Variants in CPSF2 observed in about 807,000 individuals in gnomAD.
CPSF2 encodes the protein cleavage and polyadenylation specificity factor subunit 2.
CPSF2 carries 51 observed loss-of-function variants against 84.2 expected under a neutral mutation model. The ratio of observed to expected loss-of-function variants is 0.61; its 90% CI spans 0.48 to 0.77. CPSF2 has a LOEUF of 0.77. Among genes scored for constraint, CPSF2 ranks in the 30% least tolerant of loss-of-function variants. CPSF2 has a pLI of 0.00. For synonymous variants in CPSF2, 286 were observed against 311.9 expected (o/e 0.92, Z 0.87); for missense variants, 641 against 929.4 (o/e 0.69, Z 4.03).
chr14:92,155,516 C>T (rs1314082128), intron 11 of CPSF2, among the ~76,000 whole-genome samples, 193 bp downstream of exon 11: 1 of 152,088 alleles, frequency 6.6e-6, no homozygotes, highest in Admixed American at 6.5e-5. Context: ...TGAGAAACAT[C>T]TAGAGAATAT....
At position 92,159,211 on chromosome 14, in the gene CPSF2, G is replaced by A. The variant is rs1051749868; in HGVS notation, c.2050G>A (p.Gly684Arg). 7.4e-6 allele frequency: 12 copies of A among 1,613,714 alleles called. No homozygotes were observed. Among genetic ancestry groups the A allele is most frequent in the East Asian group, 2.2e-5 (1 of 44,856 alleles). The change falls in exon 14 of 16, where the codon GGA becomes AGA. Residue 684 changes from glycine (G) to arginine (R), a missense_variant. Transcript: ENST00000298875. Reference sequence around the variant, plus strand: ...ACAAAAGGCCATGAAAAGTCTGTTCGGAGATGATGAAAAAGAAACAGGTGA... The same window carrying A: ...ACAAAAGGCCATGAAAAGTCTGTTCAGAGATGATGAAAAAGAAACAGGTGA... ...AQQKAMKSLF[G>R]DDEKETGEES...
intron 12 of CPSF2, among the ~76,000 whole-genome samples, chr14:92,156,951 G>A (rs917950357): frequency 2.0e-5 from 3 of 152,088 alleles, no homozygotes; most frequent in Non-Finnish European, 1.5e-5. Context: ...GGAATAATGT[G>A]ACTCACAGTT....
rs757295450 is a variant in CPSF2 at position 92,130,951 on chromosome 14, A to C, written c.-34A>C. ...ATTATGTTTTCATTTCATTTGAAAG[A>C]CTCTTCTAGCTTGCTGTTTCTGGAC... On this transcript the variant is annotated splice_region_variant and 5_prime_UTR_variant, in exon 3 of 16. Transcript: ENST00000298875. 1.3e-6 allele frequency: 2 copies of C among 1,572,636 alleles called. No individual in the cohort carries two copies. The highest frequency in any genetic ancestry group is 2.7e-5 in the African/African-American group (2 of 72,738).
In CPSF2 at chr14:92,155,128, A is replaced by T. The variant is rs767473094; in HGVS notation, c.1247A>T (p.Asp416Val). Residue 416 changes from aspartate (D) to valine (V), a missense_variant, in exon 11 of 16, where the codon GAT becomes GTT. Transcript: ENST00000298875. ...CTATTCTAAAATCCTCCTAGGGCAG[A>T]TATAGATTCCAGTGATGAGAGTGAT... ...AKKLEQSKEADIDSSDESDIE... is the reference protein window; with the variant it reads ...AKKLEQSKEAVIDSSDESDIE... 3 of 1,610,722 alleles carry T rather than the reference A, an allele frequency of 1.9e-6. No individual in the cohort carries two copies. The South Asian group carries it at 3.3e-5, about 18-fold the overall frequency.
rs1461985355 is a variant in CPSF2, at chr14:92,142,877, C to T, written c.850-127C>T. ...TGGAAGCAGAAAATAAGCTGCTTGT[C>T]AAAACAGTACAAATTTAAGCAACCA... On this transcript the variant is annotated intron_variant, in intron 8 of 15. Transcript: ENST00000298875. 6.1e-6 allele frequency: 5 copies of T among 813,086 alleles called. No homozygotes were observed. The African/African-American group carries it at 8.7e-5, about 14-fold the overall frequency. The allele number at this position is 813,086 out of a possible 1,614,324, so 50.4% of individuals were successfully genotyped here. A position where few individuals can be genotyped will look rare whatever the true frequency, so the allele number is the denominator to read the frequency against.
At chr14:92,142,019 A>G (rs965455788) in intron 7 of CPSF2, 145 bp from the exon 8 acceptor site, 1 of 578,056 alleles carries the variant, frequency 1.7e-6, no homozygotes, top group Non-Finnish European at 3.0e-6. Context: ...GACCTGAACA[A>G]AATTCCTTCA....
intron 9 of CPSF2, among the ~76,000 whole-genome samples, chr14:92,149,853 C>T (rs900837790): frequency 5.3e-5 from 8 of 151,848 alleles, no homozygotes; most frequent in Non-Finnish European, 1.2e-4. Context: ...GACATTGTTT[C>T]ACCATGTTAA....
At position 92,157,552 on chromosome 14, in the gene CPSF2, C is replaced by G. The variant is rs1567026049; in HGVS notation, c.1596-107C>G. Reference sequence around the variant, plus strand: ...AAAATAAATCATACAGATACTATAACATGTGTATTTCTCAAATCCTAGTGT... The same window carrying G: ...AAAATAAATCATACAGATACTATAAGATGTGTATTTCTCAAATCCTAGTGT... On this transcript the variant is annotated intron_variant, in intron 12 of 15. Coordinates refer to ENST00000298875, the MANE Select transcript of CPSF2 (RefSeq NM_017437.3). This position sits in a 1 kb window ranked among gnomAD's most constrained non-coding sequence, Gnocchi z 4.0. The G allele has an allele frequency of 2.9e-6, 2 of 685,750 alleles. No individual in the cohort carries two copies. Among genetic ancestry groups the G allele is most frequent in the Non-Finnish European group, 5.0e-6 (2 of 400,024 alleles). 42.5% of individuals were successfully genotyped at this position (685,750 alleles called of 1,614,324 possible). A position where few individuals can be genotyped will look rare whatever the true frequency, so the allele number is the denominator to read the frequency against.
At chr14:92,141,723 A>G (rs1316962254) in intron 7 of CPSF2, among the ~76,000 whole-genome samples, 1 of 152,104 alleles carries the variant, frequency 6.6e-6, no homozygotes, top group Non-Finnish European at 1.5e-5. Context: ...GGCTGTATAT[A>G]TAATTATGTG....
chr14:92,122,826 C>G (rs558756357), intron 1 of CPSF2, among the ~76,000 whole-genome samples: 3 of 151,876 alleles, frequency 2.0e-5, no homozygotes, highest in African/African-American at 7.2e-5. Flanking sequence ...AATTTTACAA[C>G]CCCTTTAACC....
At chr14:92,131,835 T>C (rs1408239609) in intron 3 of CPSF2, among the ~76,000 whole-genome samples, 1 of 151,586 alleles carries the variant, frequency 6.6e-6, no homozygotes, top group Non-Finnish European at 1.5e-5. Flanking sequence ...AAGACTCTGT[T>C]TCAAAAAAAA....
rs950599676 is a variant in CPSF2, at chr14:92,122,016, C to T, written c.-206C>T. Reference sequence around the variant, plus strand: ...GCGGCTGCCACTGTGGGGCTTCTGCCGGCCGGTAGTCCCTGGCGCTGCTGA... The same window carrying T: ...GCGGCTGCCACTGTGGGGCTTCTGCTGGCCGGTAGTCCCTGGCGCTGCTGA... On this transcript the variant is annotated 5_prime_UTR_variant, in exon 1 of 16. Coordinates refer to ENST00000298875, the MANE Select transcript of CPSF2 (RefSeq NM_017437.3). 1.0e-4 allele frequency: 64 copies of T among 619,100 alleles called. No homozygotes were observed. Among genetic ancestry groups the T allele is most frequent in the African/African-American group, 9.6e-4 (52 of 54,280 alleles). 38.4% of individuals were successfully genotyped at this position (619,100 alleles called of 1,614,324 possible).
intron 6 of CPSF2, among the ~76,000 whole-genome samples, chr14:92,136,607 G>A (rs1430037744): frequency 1.3e-5 from 2 of 152,178 alleles, no homozygotes; most frequent in Non-Finnish European, 2.9e-5. Flanking sequence ...CAATAAATAT[G>A]AAGGGCTGTA....
intron 1 of CPSF2, among the ~76,000 whole-genome samples, chr14:92,124,704 T>C (rs1441799323): frequency 5.3e-5 from 8 of 152,184 alleles, no homozygotes; most frequent in Admixed American, 5.2e-4. Context: ...CGTTAGTCTA[T>C]TTGAAATGTG....
chr14:92,133,887 G>T, intron 3 of CPSF2, 124 bp from the exon 4 acceptor site: 1 of 870,232 alleles, frequency 1.1e-6, no homozygotes, highest in Non-Finnish European at 1.8e-6. Context: ...CATAATTTTA[G>T]CTCTTAGTTT....
intron 7 of CPSF2, among the ~76,000 whole-genome samples, chr14:92,139,827 C>G (rs546671202): frequency 2.0e-5 from 3 of 152,082 alleles, no homozygotes; most frequent in South Asian, 4.1e-4. Flanking sequence ...GCGTAAACCA[C>G]TGCACCTGGC....
In CPSF2 at chr14:92,154,423, G is replaced by T; in HGVS notation, c.1206G>T (p.Lys402Asn). ...LEEYLEKEKL[K>N]KEAAKKLEQS... The stretch of plus-strand genomic sequence containing the variant: ...AATACTTGGAAAAAGAGAAACTAAA[G>T]AAAGAAGCTGCCAAAAAGCTTGAGC... Residue 402 changes from lysine to asparagine, a missense_variant, in exon 10 of 16, where the codon AAG becomes AAT. Lys to Asn is a moderately conservative substitution (Grantham distance 94, BLOSUM62 0). Around this residue, in one of 2 missense-constraint regions of CPSF2, gnomAD observed 430 missense variants for 553.6 expected, o/e 0.78. Transcript: ENST00000298875. 6.2e-7 allele frequency: 1 copy of T among 1,610,012 alleles called. No individual in the cohort carries two copies. The highest frequency in any genetic ancestry group is 1.1e-5 in the South Asian group (1 of 90,104).
In CPSF2 at chr14:92,126,113, AT is replaced by A. The variant is rs1426229176; in HGVS notation, c.-93-3del. On this transcript the variant is annotated splice_region_variant and splice_polypyrimidine_tract_variant and intron_variant, in intron 1 of 15. Transcript: ENST00000298875. ...TACCACATTCATAAGGCTTTTATTT[AT>A]TTTTTAGATTAATAAAGAACTCTTC... is the stretch of plus-strand genomic sequence containing the variant. 1.3e-5 allele frequency: 2 copies of A among 152,202 alleles called. No homozygotes were observed. Among genetic ancestry groups the A allele is most frequent in the African/African-American group, 2.4e-5 (1 of 41,462 alleles). 9.4% of individuals were successfully genotyped at this position (152,202 alleles called of 1,614,324 possible). A position where few individuals can be genotyped will look rare whatever the true frequency, so the allele number is the denominator to read the frequency against.
chr14:92,150,273 C>T (rs1481577494), intron 9 of CPSF2, among the ~76,000 whole-genome samples: 1 of 151,908 alleles, frequency 6.6e-6, no homozygotes, highest in African/African-American at 2.4e-5. Flanking sequence ...TGCCACGTTG[C>T]CCAGCTAATT....
Sources: gnomAD v4.1 joint callset for allele counts (sites outside exome capture counted in the v4.1 genomes callset) on GRCh38, gnomAD v4.1.1 for gene constraint, gnomAD v4.1.1 regional missense constraint, Gnocchi (gnomAD v3.1) non-coding constraint, MANE v1.5 for transcripts, NCBI Gene and HGNC (gene_info 2026-07-23, HGNC 2026-07-21) for gene names.